Variants in CDKL5 observed in about 807,000 individuals in gnomAD.
The protein encoded by CDKL5 is cyclin dependent kinase like 5, also known as cyclin-dependent kinase-like 5.
A neutral mutation model predicts 61.7 loss-of-function variants in CDKL5; 8 were observed. The ratio of observed to expected loss-of-function variants is 0.13; its 90% CI spans 0.08 to 0.23. The LOEUF is 0.23. CDKL5 is among the 10% of genes least tolerant of loss of function. The probability of loss-of-function intolerance (pLI) is 1.00; values close to 1 mark genes in which losing one functional copy is unlikely to be tolerated. For synonymous variants in CDKL5, 275 were observed against 272.3 expected, an observed-to-expected ratio of 1.01 and a Z score of -0.10; for missense variants, 440 against 734.5, an observed-to-expected ratio of 0.60 and a Z score of 4.63.
At chrX:18,465,405 C>G (rs1932378108) in intron 1 of CDKL5, among the ~76,000 whole-genome samples, 1 of 111,792 alleles carries the variant, frequency 8.9e-6, no homozygotes. Flanking sequence ...TGGCTTATGC[C>G]TGTAATCCCA....
chrX:18,584,191 C>G (rs1925569294), intron 7 of CDKL5, 72 bp from the exon 8 acceptor site: 1 of 646,036 alleles, frequency 1.5e-6, no homozygotes, highest in South Asian at 2.2e-5. Flanking sequence ...ATTACTAGCG[C>G]TGAAATATTT....
At chrX:18,580,860 A>G (rs992261687) in intron 6 of CDKL5, among the ~76,000 whole-genome samples, 4 of 112,158 alleles carry the variant, frequency 3.6e-5, no homozygotes, top group Non-Finnish European at 7.5e-5. Context: ...TAAAGGTCAT[A>G]TGAAGAATGC....
rs763162478 is a variant in CDKL5, at chrX:18,649,056, A to AAG, written c.2798-1353_2798-1352insGA. 3.5e-3 allele frequency among the ~76,000 whole-genome samples: 385 copies of AAG among 109,226 alleles called. 2 individuals carry two copies. The Middle Eastern group carries it at 0.052, about 15-fold the overall frequency. The allele number at this position is 109,226 out of a possible 115,157, so 94.8% of individuals were successfully genotyped here. A position where few individuals can be genotyped will look rare whatever the true frequency, so the allele number is the denominator to read the frequency against. On this transcript the variant is annotated intron_variant, in intron 20 of 21. Transcript: ENST00000379989. ...GACACTGTCTCAAAAAAAAAAAAAA[A>AAG]AAAGAAAACTACAGAGACCTTAGCC...
rs1465009502 is a variant in CDKL5 at position 18,476,381 on chromosome X, A to G, written c.-162-30554A>G. On this transcript the variant is annotated intron_variant, in intron 1 of 17. Transcript: ENST00000623535. ...TAGGCATGCACCACGATGCCTGGCT[A>G]CTTTTTTGTATTTTTGATAGAGACA... Among the ~76,000 whole-genome samples, 8 of 110,494 alleles carry G rather than the reference A, an allele frequency of 7.2e-5. No individual in the cohort carries two copies. The East Asian group carries it at 2.0e-3, about 28-fold the overall frequency.
rs184669482 is a variant in CDKL5 at position 18,463,060 on chromosome X, G to A, written c.-163+37365G>A. Among the ~76,000 whole-genome samples the A allele has an allele frequency of 2.2e-4, 24 of 110,077 alleles. No individual in the cohort carries two copies. In the East Asian group the frequency reaches 4.0e-3, roughly 18 times the overall value. On this transcript the variant is annotated intron_variant, in intron 1 of 17. Transcript: ENST00000623535. ...ATAAATGAAAAAAATAAAAGATACC[G>A]GAAGCTGGGAGTAGCAGCCTTGGAA...
intron 1 of CDKL5, among the ~76,000 whole-genome samples, chrX:18,497,154 G>A (rs903193499): frequency 9.1e-6 from 1 of 110,206 alleles, no homozygotes; most frequent in African/African-American, 3.3e-5. Context: ...CACCACCCCC[G>A]GCTAATTTAG....
intron 1 of CDKL5, among the ~76,000 whole-genome samples, chrX:18,474,675 G>A (rs994910639): frequency 1.8e-5 from 2 of 111,958 alleles, no homozygotes; most frequent in African/African-American, 3.2e-5. Flanking sequence ...AAGCATAAGC[G>A]TGTTTTGCTG....
chrX:18,484,769 G>A (rs1406733861), intron 1 of CDKL5, among the ~76,000 whole-genome samples: 1 of 109,304 alleles, frequency 9.1e-6, no homozygotes, highest in Non-Finnish European at 1.9e-5. Flanking sequence ...ATTATTTTGA[G>A]TCAGGATCTT....
chrX:18,576,933 T>C (rs1176029487), intron 5 of CDKL5, among the ~76,000 whole-genome samples: 1 of 110,074 alleles, frequency 9.1e-6, no homozygotes, highest in Non-Finnish European at 1.9e-5. Flanking sequence ...TTGCCTAGGC[T>C]GGAGTGTAGT....
intron 9 of CDKL5, chrX:18,588,995 C>G (rs1248864634): frequency 1.8e-5 from 2 of 109,476 alleles, no homozygotes; most frequent in Non-Finnish European, 3.8e-5. Context: ...CAACTTTGTA[C>G]AAAACTTTTC....
At chrX:18,452,529 G>A (rs1371835080) in intron 1 of CDKL5, among the ~76,000 whole-genome samples, 1 of 110,089 alleles carries the variant, frequency 9.1e-6, no homozygotes, top group Non-Finnish European at 1.9e-5. Flanking sequence ...GCATTCAAGC[G>A]ATTCTCCCAC....
At chrX:18,478,711 G>A (rs1293036319) in intron 1 of CDKL5, among the ~76,000 whole-genome samples, 1 of 82,551 alleles carries the variant, frequency 1.2e-5, no homozygotes, top group East Asian at 3.8e-4. Context: ...TATATATTTT[G>A]TTGTTGTTGT....
At chrX:18,601,799 G>C (rs1434052318) in intron 11 of CDKL5, among the ~76,000 whole-genome samples, 2 of 112,458 alleles carry the variant, frequency 1.8e-5, no homozygotes, top group Non-Finnish European at 3.7e-5. Context: ...GTCGCTAACA[G>C]TGTTTCTAAG....
chrX:18,437,430 T>G (rs1931634205), intron 1 of CDKL5, among the ~76,000 whole-genome samples: 1 of 112,342 alleles, frequency 8.9e-6, no homozygotes, highest in Non-Finnish European at 1.9e-5. Flanking sequence ...TTTTTTTCCC[T>G]CCAGACACCT....
chrX:18,600,637 T>C (rs1926149148), intron 11 of CDKL5, among the ~76,000 whole-genome samples: 1 of 111,938 alleles, frequency 8.9e-6, no homozygotes, highest in African/African-American at 3.2e-5. Flanking sequence ...GAGACAGAGT[T>C]CTTGGAATTA....
At chrX:18,567,632 A>C (rs1925010326) in intron 4 of CDKL5, among the ~76,000 whole-genome samples, 1 of 111,725 alleles carries the variant, frequency 9.0e-6, no homozygotes, top group African/African-American at 3.3e-5. Context: ...TTGTAATCCC[A>C]GCACTTTGGG....
At chrX:18,524,867 G>T (rs1923373433) in intron 3 of CDKL5, among the ~76,000 whole-genome samples, 1 of 111,890 alleles carries the variant, frequency 8.9e-6, no homozygotes, top group Non-Finnish European at 1.9e-5. Flanking sequence ...CCATTGGATT[G>T]CCTGTGCTCC....
chrX:18,569,323 T>C (rs1325898287), intron 4 of CDKL5, among the ~76,000 whole-genome samples: 1 of 111,690 alleles, frequency 9.0e-6, no homozygotes, highest in African/African-American at 3.3e-5. Flanking sequence ...AGTAAACACC[T>C]GACCAACCAG....
intron 21 of CDKL5, among the ~76,000 whole-genome samples, chrX:18,652,766 C>T (rs1928107581): frequency 8.9e-6 from 1 of 112,553 alleles, no homozygotes; most frequent in African/African-American, 3.2e-5. Flanking sequence ...GCTATTAGAC[C>T]TGTTTCTATA....
Sources: allele counts gnomAD v4.1 joint callset (sites outside exome capture counted in the v4.1 genomes callset), GRCh38; gene constraint gnomAD v4.1.1; transcripts MANE v1.5; gene names NCBI Gene and HGNC (gene_info 2026-07-23, HGNC 2026-07-21).